The following SNX25 variants were observed in gnomAD, a reference collection of about 807,000 sequenced individuals.
SNX25 encodes the protein sorting nexin-25.
SNX25 carries 62 observed loss-of-function variants against 113.7 expected under a neutral mutation model. The ratio of observed to expected loss-of-function variants is 0.55; its 90% CI spans 0.44 to 0.67. The LOEUF (loss-of-function observed/expected upper bound fraction) is 0.67. SNX25 is among the 30% of genes least tolerant of loss of function. The pLI is 0.00. For synonymous variants in SNX25, 421 were observed against 436.2 expected, an observed-to-expected ratio of 0.97 and a Z score of 0.43; for missense variants, 1,014 against 1,161.0, an observed-to-expected ratio of 0.87 and a Z score of 1.84.
At chr4:185,249,244 T>C (rs887068020) in intron 2 of SNX25, among the ~76,000 whole-genome samples, 1 of 152,210 alleles carries the variant, frequency 6.6e-6, no homozygotes, top group Non-Finnish European at 1.5e-5. Flanking sequence ...GATTGTCTCT[T>C]TTTAGACTCT....
At chr4:185,313,481 C>G (rs1197247965) in intron 7 of SNX25, among the ~76,000 whole-genome samples, 1 of 152,100 alleles carries the variant, frequency 6.6e-6, no homozygotes, top group Non-Finnish European at 1.5e-5. Context: ...CAGTCCCCCT[C>G]AGTAATATCA....
At position 185,334,067 on chromosome 4, in the gene SNX25, G is replaced by A. The variant is rs2095214373; in HGVS notation, c.1914+1308G>A. Among the ~76,000 whole-genome samples, 1 of 150,684 alleles carries A rather than the reference G, an allele frequency of 6.6e-6. No homozygotes were observed. Among genetic ancestry groups the A allele is most frequent in the African/African-American group, 2.4e-5 (1 of 40,894 alleles). ...AAAAAAAAAAAAAGTGGCTAGGCGCGGTGGCTCACACCTGTAATCCCAGCA... is the reference window on the plus strand; with the variant it reads ...AAAAAAAAAAAAAGTGGCTAGGCGCAGTGGCTCACACCTGTAATCCCAGCA... On this transcript the variant is annotated intron_variant, in intron 10 of 18. Transcript: ENST00000652585. The surrounding 1 kb of genome is among the most constrained non-coding windows in gnomAD (Gnocchi z 4.2).
At position 185,232,574 on chromosome 4, in the gene SNX25, C is replaced by CT. The variant is rs1553986309; in HGVS notation, c.430-14719dup. Among the ~76,000 whole-genome samples the CT allele has an allele frequency of 6.6e-6, 1 of 152,072 alleles. No homozygotes were observed. Among genetic ancestry groups the CT allele is most frequent in the African/African-American group, 2.4e-5 (1 of 41,392 alleles). Reference sequence around the variant, plus strand: ...TGTTTCCTCACAGTTAACAAATTAACTAAGATAATGGCATTATGGTATTCC... The same window carrying CT: ...TGTTTCCTCACAGTTAACAAATTAACTTAAGATAATGGCATTATGGTATTCC... On this transcript the variant is annotated intron_variant, in intron 1 of 18. Coordinates refer to ENST00000652585, the MANE Select transcript of SNX25 (RefSeq NM_001378034.2). This position sits in a 1 kb window ranked among gnomAD's most constrained non-coding sequence, Gnocchi z 4.4.
At chr4:185,378,058 A>G in the SNX25 span, 1 of 1,572,374 alleles carries the variant, frequency 6.4e-7, no homozygotes, top group South Asian at 1.1e-5. Flanking sequence ...TTCCAAGGGA[A>G]GCTTAAATAT....
At chr4:185,340,548 C>T (rs2095254486) in intron 11 of SNX25, among the ~76,000 whole-genome samples, 1 of 152,152 alleles carries the variant, frequency 6.6e-6, no homozygotes, top group Non-Finnish European at 1.5e-5. Context: ...CCCTCAGTAA[C>T]TGCAGATAGT....
intron 13 of SNX25, among the ~76,000 whole-genome samples, chr4:185,349,841 G>A (rs535926283): frequency 6.6e-6 from 1 of 152,298 alleles, no homozygotes; most frequent in Admixed American, 6.5e-5. Flanking sequence ...TATGCTGATT[G>A]TATTAAGTTT....
Position 185,243,471 on chromosome 4 carries a change from C to T in SNX25, c.430-3823C>T, listed in dbSNP as rs141709684. 4.1e-3 allele frequency among the ~76,000 whole-genome samples: 617 copies of T among 152,194 alleles called. 12 individuals are homozygous for T. Among genetic ancestry groups the T allele is most frequent in the Admixed American group, 0.033 (498 of 15,278 alleles). On this transcript the variant is annotated intron_variant, in intron 1 of 18. Coordinates refer to ENST00000652585, the MANE Select transcript of SNX25 (RefSeq NM_001378034.2). ...ACAAAAAACTTAAAACATAGCGGGA[C>T]ACACACTTGTAGTTCTAGCTACTCA...
downstream of SNX25, chr4:185,370,611 G>C: frequency 6.2e-7 from 1 of 1,603,890 alleles, no homozygotes; most frequent in Non-Finnish European, 8.5e-7. Context: ...TTCTCTTTGG[G>C]TGAATTTATA....
Position 185,271,107 on chromosome 4 carries a change from C to T in SNX25, c.1091+3952C>T, listed in dbSNP as rs189694892. The stretch of plus-strand genomic sequence containing the variant: ...CCACCGCTGCCAAGGAGTGATGGGA[C>T]ACAGGCACCAGGAAGGTGCATTCCT... On this transcript the variant is annotated intron_variant, in intron 5 of 18. Coordinates refer to ENST00000652585, the MANE Select transcript of SNX25 (RefSeq NM_001378034.2). Among the ~76,000 whole-genome samples, 19 of 152,304 alleles carry T rather than the reference C, an allele frequency of 1.2e-4. 1 individual carries two copies. Among genetic ancestry groups the T allele is most frequent in the African/African-American group, 4.3e-4 (18 of 41,584 alleles).
At chr4:185,218,744 A>G (rs747447218) in intron 1 of SNX25, among the ~76,000 whole-genome samples, 3 of 152,364 alleles carry the variant, frequency 2.0e-5, no homozygotes, top group Non-Finnish European at 2.9e-5. Context: ...GATCTATTCA[A>G]TAGACTTCCT....
intron 5 of SNX25, among the ~76,000 whole-genome samples, chr4:185,272,724 C>T (rs1456537817): frequency 6.6e-6 from 1 of 152,166 alleles, no homozygotes; most frequent in Middle Eastern, 3.2e-3. Context: ...TAATTCATTG[C>T]ACCCTAATTA....
intron 6 of SNX25, among the ~76,000 whole-genome samples, chr4:185,289,539 C>T (rs370794410): frequency 6.6e-6 from 1 of 152,192 alleles, no homozygotes; most frequent in South Asian, 2.1e-4. Context: ...CTCAGAGAGG[C>T]GGCAGGGAAC....
At chr4:185,240,950 T>C in intron 1 of SNX25, among the ~76,000 whole-genome samples, 1 of 144,442 alleles carries the variant, frequency 6.9e-6, no homozygotes, top group Non-Finnish European at 1.5e-5. Context: ...TCTCACTTCC[T>C]AGATGGGATG....
intron 5 of SNX25, among the ~76,000 whole-genome samples, chr4:185,286,138 CAG>C (rs1344342017): frequency 6.6e-6 from 1 of 151,772 alleles, no homozygotes; most frequent in Non-Finnish European, 1.5e-5. Context: ...TTTAAAGAAA[CAG>C]GGTCTTGCTC....
At chr4:185,320,177 G>C (rs776359609) in intron 7 of SNX25, among the ~76,000 whole-genome samples, 1 of 152,170 alleles carries the variant, frequency 6.6e-6, no homozygotes, top group Non-Finnish European at 1.5e-5. Flanking sequence ...ACTTGCATGT[G>C]TATGTTTATT....
rs1028581763 is a variant in SNX25, at chr4:185,255,140, A to AT, written c.515-3697dup. 1.4e-3 allele frequency among the ~76,000 whole-genome samples: 202 copies of AT among 145,836 alleles called. 2 individuals carry two copies. The highest frequency in any genetic ancestry group is 4.0e-3 in the African/African-American group (160 of 39,864). On this transcript the variant is annotated intron_variant, in intron 2 of 18. Coordinates refer to ENST00000652585, the MANE Select transcript of SNX25 (RefSeq NM_001378034.2). ...GAATCATGGCTTTGTTTTCTTCTTTATTTTTTTTTTTGAGACAGAGTCTCG... is the reference window on the plus strand; with the variant it reads ...GAATCATGGCTTTGTTTTCTTCTTTATTTTTTTTTTTTGAGACAGAGTCTCG...
chr4:185,302,882 G>A (rs1445681378), intron 6 of SNX25, among the ~76,000 whole-genome samples: 1 of 152,104 alleles, frequency 6.6e-6, no homozygotes, highest in Non-Finnish European at 1.5e-5. Flanking sequence ...CTTCCCCACT[G>A]TCACCACCTG....
chr4:185,205,786 G>A (rs557690775), upstream of SNX25, among the ~76,000 whole-genome samples: 8 of 152,270 alleles, frequency 5.3e-5, no homozygotes, highest in Non-Finnish European at 1.2e-4. Context: ...CTGAGATCAC[G>A]CCATTGTACT....
At chr4:185,370,644 G>A (rs2095411602), downstream of SNX25, 1 of 1,613,748 alleles carries the variant, frequency 6.2e-7, no homozygotes, top group Non-Finnish European at 8.5e-7. Context: ...GCTTACTTTA[G>A]AATAATAGTG....
Sources: allele counts gnomAD v4.1 joint callset (sites outside exome capture counted in the v4.1 genomes callset), GRCh38; gene constraint gnomAD v4.1.1; non-coding constraint Gnocchi (gnomAD v3.1); transcripts MANE v1.5; gene names NCBI Gene and HGNC (gene_info 2026-07-23, HGNC 2026-07-21).